The following POC1A variants were observed in gnomAD, a reference collection of about 807,000 sequenced individuals.
The protein encoded by POC1A is POC1 centriolar protein homolog A.
POC1A carries 34 observed loss-of-function variants against 47.8 expected under a neutral mutation model. The observed-to-expected ratio is 0.71, with a 90% CI of 0.54 to 0.95. The LOEUF is 0.95. Ranked by LOEUF, POC1A falls within the 40% of genes least tolerant of loss-of-function variation. The pLI, the probability that POC1A is intolerant of heterozygous loss-of-function variation, is 0.00. For missense variants in POC1A, 466 were observed against 528.3 expected (o/e 0.88, Z 1.16); for synonymous variants, 177 against 207.6 (o/e 0.85, Z 1.27).
chr3:52,121,490 G>A (rs1300027330), intron 9 of POC1A, among the ~76,000 whole-genome samples: 1 of 152,222 alleles, frequency 6.6e-6, no homozygotes, highest in Non-Finnish European at 1.5e-5. Flanking sequence ...ACAAAACGGG[G>A]GCATGTGTGT....
rs766001251 is a variant in POC1A, at chr3:52,154,410, G to T, written c.-38C>A. ...GGCGCCGAAGGCAGCTGCGGTGGCC[G>T]TTGCGGCCCGTTCAGTTTCCGCGCC... is the stretch of plus-strand genomic sequence containing the variant. On this transcript the variant is annotated 5_prime_UTR_variant, in exon 1 of 11. Coordinates refer to ENST00000296484, the MANE Select transcript of POC1A (RefSeq NM_015426.5). 1.1e-5 allele frequency: 15 copies of T among 1,421,692 alleles called. No individual in the cohort carries two copies. In the South Asian group the frequency reaches 1.9e-4, roughly 18 times the overall value. 88.1% of individuals were successfully genotyped at this position (1,421,692 alleles called of 1,614,324 possible). A position where few individuals can be genotyped will look rare whatever the true frequency, so the allele number is the denominator to read the frequency against.
chr3:52,152,523 T>C (rs912752822), intron 1 of POC1A, among the ~76,000 whole-genome samples: 1 of 151,988 alleles, frequency 6.6e-6, no homozygotes, highest in African/African-American at 2.4e-5. Flanking sequence ...TGAGCCGAGA[T>C]TGCACCAGTG....
At chr3:52,142,105 G>A (rs1429818326) in intron 6 of POC1A, among the ~76,000 whole-genome samples, 2 of 152,242 alleles carry the variant, frequency 1.3e-5, no homozygotes, top group East Asian at 1.9e-4. Flanking sequence ...TTCTAGCTGT[G>A]TGACTGTGGG....
intron 9 of POC1A, among the ~76,000 whole-genome samples, chr3:52,111,179 C>A (rs939258618): frequency 1.3e-5 from 2 of 152,196 alleles, no homozygotes; most frequent in African/African-American, 4.8e-5. Flanking sequence ...TGGAGAGGAA[C>A]CTACTTGCTT....
Position 52,145,905 on chromosome 3 carries a change from A to G in POC1A, c.620T>C (p.Met207Thr). Residue 207 changes from methionine (M) to threonine (T), a missense_variant, in exon 6 of 11, where the codon ATG becomes ACG. Coordinates refer to ENST00000296484, the MANE Select transcript of POC1A (RefSeq NM_015426.5). ...PSGTCIAAAG[M>T]DNTVKVWDVR... Reference sequence around the variant, plus strand: ...GTCCCACACCTTCACTGTGTTGTCCATGCCGGCAGCGGCAATGCACGTCCC... The same window carrying G: ...GTCCCACACCTTCACTGTGTTGTCCGTGCCGGCAGCGGCAATGCACGTCCC... 1.9e-6 allele frequency: 3 copies of G among 1,614,058 alleles called. No homozygotes were observed. The highest frequency in any genetic ancestry group is 2.2e-5 in the East Asian group (1 of 44,882).
chr3:52,106,180 C>CAAAAAA (rs11350232), intron 9 of POC1A, among the ~76,000 whole-genome samples: 1 of 73,574 alleles, frequency 1.4e-5, no homozygotes, highest in Non-Finnish European at 2.7e-5. Flanking sequence ...GACTACGTCT[C>CAAAAAA]AAAAAAAAAA....
chr3:52,105,572 G>A (rs1230470675), intron 9 of POC1A, among the ~76,000 whole-genome samples: 3 of 152,184 alleles, frequency 2.0e-5, no homozygotes, highest in Non-Finnish European at 4.4e-5. Context: ...TCAAATCAGA[G>A]CTCAAAAGAA....
chr3:52,132,998 T>G (rs758468397), intron 7 of POC1A, among the ~76,000 whole-genome samples: 3 of 151,194 alleles, frequency 2.0e-5, no homozygotes, highest in Non-Finnish European at 4.4e-5. Flanking sequence ...GTGAGCCGAG[T>G]TCACGCCACT....
intron 7 of POC1A, among the ~76,000 whole-genome samples, chr3:52,128,121 A>C (rs1019598877): frequency 2.0e-5 from 3 of 152,258 alleles, no homozygotes; most frequent in Non-Finnish European, 4.4e-5. Context: ...AAACCAGTAC[A>C]TGGAATGTCA....
At chr3:52,118,738 A>G (rs1278029675) in intron 9 of POC1A, among the ~76,000 whole-genome samples, 1 of 152,238 alleles carries the variant, frequency 6.6e-6, no homozygotes, top group Non-Finnish European at 1.5e-5. Flanking sequence ...AGATTCCCCA[A>G]ATGCCCAGGA....
chr3:52,147,905 G>C (rs146209469), intron 4 of POC1A, among the ~76,000 whole-genome samples: 389 of 151,244 alleles, frequency 2.6e-3, no homozygotes, highest in South Asian at 6.1e-3. Flanking sequence ...CTGACCAAAA[G>C]GGAAAAAGAG....
intron 1 of POC1A, among the ~76,000 whole-genome samples, chr3:52,151,984 T>TA (rs1698573947): frequency 1.3e-5 from 2 of 152,098 alleles, no homozygotes; most frequent in African/African-American, 4.8e-5. Flanking sequence ...CTCAAAAAGT[T>TA]AAACATAGGT....
At chr3:52,148,274 C>A (rs901963816) in intron 4 of POC1A, among the ~76,000 whole-genome samples, 1 of 152,240 alleles carries the variant, frequency 6.6e-6, no homozygotes, top group African/African-American at 2.4e-5. Context: ...CCTGGCCCCT[C>A]CTGATCTCAG....
At chr3:52,078,541 C>G (rs1387558157) in intron 10 of POC1A, among the ~76,000 whole-genome samples, 1 of 126,024 alleles carries the variant, frequency 7.9e-6, no homozygotes, top group Non-Finnish European at 1.6e-5. Context: ...GACTGAGTCT[C>G]GTTCTGTCGA....
chr3:52,093,821 CACAA>C (rs1322938576), intron 10 of POC1A, among the ~76,000 whole-genome samples: 2 of 152,202 alleles, frequency 1.3e-5, no homozygotes, highest in Non-Finnish European at 1.5e-5. Context: ...CCAGACAGGC[CACAA>C]ACATCCACAG....
In POC1A at chr3:52,084,409, C is replaced by A. The variant is rs1326894751; in HGVS notation, c.1126-8424G>T. On this transcript the variant is annotated intron_variant, in intron 10 of 10. Transcript: ENST00000296484. The surrounding 1 kb of genome is among the most constrained non-coding windows in gnomAD (Gnocchi z 4.3). ...CACTCACGACCCGCCTTGGGGGCAG[C>A]CAACAACATCATTCACTCCCATACC... Among the ~76,000 whole-genome samples the A allele has an allele frequency of 1.3e-5, 2 of 152,296 alleles. No homozygotes were observed. Among genetic ancestry groups the A allele is most frequent in the East Asian group, 3.9e-4 (2 of 5,184 alleles).
intron 10 of POC1A, among the ~76,000 whole-genome samples, chr3:52,077,959 G>T (rs548715684): frequency 4.2e-4 from 64 of 152,222 alleles, no homozygotes; most frequent in Middle Eastern, 6.8e-3. Flanking sequence ...ACCACTAAAT[G>T]TGTCTAAATT....
At chr3:52,108,743 G>A (rs1157332793) in intron 9 of POC1A, among the ~76,000 whole-genome samples, 2 of 152,158 alleles carry the variant, frequency 1.3e-5, no homozygotes, top group Non-Finnish European at 2.9e-5. Context: ...GCAGCCCCAC[G>A]ATTCCCAGGG....
chr3:52,122,607 C>T, intron 8 of POC1A, 130 bp from the exon 9 acceptor site: 2 of 657,422 alleles, frequency 3.0e-6, no homozygotes, highest in Admixed American at 2.3e-5. Flanking sequence ...CCACCTGACA[C>T]CCCAACTCAA....
Sources: allele counts gnomAD v4.1 joint callset (sites outside exome capture counted in the v4.1 genomes callset), GRCh38; gene constraint gnomAD v4.1.1; non-coding constraint Gnocchi (gnomAD v3.1); transcripts MANE v1.5; gene names NCBI Gene and HGNC (gene_info 2026-07-23, HGNC 2026-07-21).